The following TMEM132B variants were observed in gnomAD, a reference collection of about 807,000 sequenced individuals.
TMEM132B encodes the protein transmembrane protein 132B.
In TMEM132B, 18 loss-of-function variants were observed where a neutral mutation model predicts 90.8. That is an observed-to-expected ratio of 0.20 (90% CI 0.14 to 0.29). TMEM132B has a LOEUF of 0.29. TMEM132B is among the 10% of genes least tolerant of loss of function. The pLI is 1.00. For missense variants in TMEM132B, 1,096 were observed against 1,326.8 expected, an observed-to-expected ratio of 0.83 and a Z score of 2.70; for synonymous variants, 504 against 523.3, an observed-to-expected ratio of 0.96 and a Z score of 0.50.
chr12:125,581,367 A>G (rs1198556603), intron 4 of TMEM132B, among the ~76,000 whole-genome samples: 1 of 152,244 alleles, frequency 6.6e-6, no homozygotes, highest in African/African-American at 2.4e-5. Context: ...ATTTCCAAAG[A>G]TAACAGACTT....
intron 3 of TMEM132B, among the ~76,000 whole-genome samples, chr12:125,512,541 GA>G (rs1424731664): frequency 2.0e-5 from 3 of 152,190 alleles, no homozygotes; most frequent in African/African-American, 7.2e-5. Flanking sequence ...CACAGTCCTA[GA>G]TTTTTTTTAA....
chr12:125,506,614 A>T (rs1239359136), intron 3 of TMEM132B, among the ~76,000 whole-genome samples: 1 of 152,234 alleles, frequency 6.6e-6, no homozygotes, highest in Non-Finnish European at 1.5e-5. Flanking sequence ...CAACTCTCTT[A>T]AGTGGGACAT....
rs1880997208 is a variant in TMEM132B, at chr12:125,445,986, G to C, written c.1106+30309G>C. Reference sequence around the variant, plus strand: ...CAGTGGAATTCTCTGCTATCCTGGGGGCTGCAACCTCGCTTTCTCCAACAA... The same window carrying C: ...CAGTGGAATTCTCTGCTATCCTGGGCGCTGCAACCTCGCTTTCTCCAACAA... On this transcript the variant is annotated intron_variant, in intron 3 of 8. Transcript: ENST00000682704. This position sits in a 1 kb window ranked among gnomAD's most constrained non-coding sequence, Gnocchi z 4.3. 6.6e-6 allele frequency among the ~76,000 whole-genome samples: 1 copy of C among 152,084 alleles called. No individual in the cohort carries two copies. Among genetic ancestry groups the C allele is most frequent in the African/African-American group, 2.4e-5 (1 of 41,396 alleles).
intron 3 of TMEM132B, among the ~76,000 whole-genome samples, chr12:125,505,571 T>C (rs947350903): frequency 6.6e-6 from 1 of 151,862 alleles, no homozygotes; most frequent in African/African-American, 2.4e-5. Flanking sequence ...TGGTGGTGCA[T>C]GCCTGTAATC....
At chr12:125,373,910 T>G (rs560934294) in intron 2 of TMEM132B, among the ~76,000 whole-genome samples, 9 of 152,308 alleles carry the variant, frequency 5.9e-5, no homozygotes, top group Middle Eastern at 6.8e-3. Context: ...TTCTCATGCC[T>G]CAGCCTCCCA....
intron 4 of TMEM132B, among the ~76,000 whole-genome samples, chr12:125,536,107 C>G (rs536536268): frequency 6.6e-6 from 1 of 152,314 alleles, no homozygotes; most frequent in African/African-American, 2.4e-5. Context: ...CTGGCCCCAA[C>G]CTTGCTGTTC....
chr12:125,513,321 TATGTGC>T (rs992387307), intron 3 of TMEM132B, among the ~76,000 whole-genome samples: 5 of 149,374 alleles, frequency 3.3e-5, no homozygotes, highest in African/African-American at 7.6e-5. Flanking sequence ...TACATACTTG[TATGTGC>T]GTGTGCGTGT....
At chr12:125,628,748 C>G (rs946647675) in intron 5 of TMEM132B, among the ~76,000 whole-genome samples, 1 of 152,076 alleles carries the variant, frequency 6.6e-6, no homozygotes, top group African/African-American at 2.4e-5. Context: ...GAGAGATTCC[C>G]TAATGTTTTC....
rs183910738 is a variant in TMEM132B, at chr12:125,557,544, A to T, written c.1294-26307A>T. Among the ~76,000 whole-genome samples the T allele has an allele frequency of 9.4e-4, 143 of 152,294 alleles. 1 individual carries two copies. Among genetic ancestry groups the T allele is most frequent in the African/African-American group, 3.2e-3 (131 of 41,552 alleles). On this transcript the variant is annotated intron_variant, in intron 4 of 8. Coordinates refer to ENST00000682704, the MANE Select transcript of TMEM132B (RefSeq NM_001366854.1). ...ATTATCACTAATCTATCTACTATCC[A>T]TATTAAGTAAAATGCCAATTCAACT...
chr12:125,470,351 G>A (rs543088359), intron 3 of TMEM132B, among the ~76,000 whole-genome samples: 1 of 152,352 alleles, frequency 6.6e-6, no homozygotes, highest in South Asian at 2.1e-4. Flanking sequence ...GGTCTTTGCT[G>A]CAGAGTCCTG....
At chr12:125,599,844 T>A (rs1464897060) in intron 5 of TMEM132B, among the ~76,000 whole-genome samples, 1 of 152,078 alleles carries the variant, frequency 6.6e-6, no homozygotes, top group Non-Finnish European at 1.5e-5. Flanking sequence ...CTCTATTTGG[T>A]GAGTGGGGAA....
chr12:125,418,014 C>T (rs1025668442), intron 3 of TMEM132B, among the ~76,000 whole-genome samples: 2 of 152,188 alleles, frequency 1.3e-5, no homozygotes, highest in African/African-American at 4.8e-5. Context: ...GGCGCCACCC[C>T]AGTTACCTTA....
In TMEM132B at chr12:125,400,782, C is replaced by T. The variant is rs527591577; in HGVS notation, c.960-14749C>T. On this transcript the variant is annotated intron_variant, in intron 2 of 8. Transcript: ENST00000682704. ...CCTTGCAGTTTTCCTTAATCACACC[C>T]TGAAAATGTTCCCGTGCCCCAGGCT... Among the ~76,000 whole-genome samples, 24 of 152,322 alleles carry T rather than the reference C, an allele frequency of 1.6e-4. No homozygotes were observed. In the East Asian group the frequency reaches 4.4e-3, roughly 28 times the overall value.
chr12:125,273,989 G>A (rs1874919574), intron 1 of TMEM132B, among the ~76,000 whole-genome samples: 1 of 152,132 alleles, frequency 6.6e-6, no homozygotes, highest in Non-Finnish European at 1.5e-5. Context: ...AGCGCCCTCT[G>A]TGCTCTTCCC....
At position 125,579,242 on chromosome 12, in the gene TMEM132B, G is replaced by A. The variant is rs555693200; in HGVS notation, c.1294-4609G>A. ...GCTCAAATCTGCTGTTGAGCCCCATGAGTGAATTTTCCATTTCGGCTATTG... is the reference window on the plus strand; with the variant it reads ...GCTCAAATCTGCTGTTGAGCCCCATAAGTGAATTTTCCATTTCGGCTATTG... On this transcript the variant is annotated intron_variant, in intron 4 of 8. Transcript: ENST00000682704. Among the ~76,000 whole-genome samples, 37 of 152,114 alleles carry A rather than the reference G, an allele frequency of 2.4e-4. No homozygotes were observed. The East Asian group carries it at 6.4e-3, about 26-fold the overall frequency.
At chr12:125,472,386 G>T (rs1042157710) in intron 3 of TMEM132B, among the ~76,000 whole-genome samples, 2 of 151,970 alleles carry the variant, frequency 1.3e-5, no homozygotes, top group Admixed American at 6.6e-5. Context: ...GATAATTCAG[G>T]CATCCTGTCC....
intron 4 of TMEM132B, among the ~76,000 whole-genome samples, chr12:125,576,485 C>T (rs1884944460): frequency 6.8e-6 from 1 of 147,408 alleles, no homozygotes; most frequent in African/African-American, 2.5e-5. Flanking sequence ...CCCCAATTAC[C>T]TTGGCTAGAA....
At chr12:125,501,936 T>C (rs10846906) in intron 3 of TMEM132B, among the ~76,000 whole-genome samples, 94,834 of 152,092 alleles carry the variant, frequency 0.62, 29,926 homozygotes, top group Middle Eastern at 0.82. Context: ...TTTCCAGTTG[T>C]GTGAAAATAG....
At chr12:125,400,284 TG>T (rs1284220988) in intron 2 of TMEM132B, among the ~76,000 whole-genome samples, 1 of 152,250 alleles carries the variant, frequency 6.6e-6, no homozygotes, top group East Asian at 1.9e-4. Context: ...AACTGAGCAA[TG>T]AGACGGGAGA....
Sources: allele counts gnomAD v4.1 joint callset (sites outside exome capture counted in the v4.1 genomes callset), GRCh38; gene constraint gnomAD v4.1.1; non-coding constraint Gnocchi (gnomAD v3.1); transcripts MANE v1.5; gene names NCBI Gene and HGNC (gene_info 2026-07-23, HGNC 2026-07-21).